TENM2: variants seen among roughly 807,000 people sequenced by gnomAD.
TENM2 encodes the protein teneurin-2.
In TENM2, 52 loss-of-function variants were observed where a neutral mutation model predicts 245.2. That is an observed-to-expected ratio of 0.21 (90% confidence interval 0.17 to 0.27). The LOEUF (loss-of-function observed/expected upper bound fraction) is 0.27. TENM2 is among the 10% of genes least tolerant of loss of function. The pLI is 1.00. For missense variants in TENM2, 3,046 were observed against 3,666.8 expected, an observed-to-expected ratio of 0.83 and a Z score of 4.37; for synonymous variants, 1,363 against 1,438.9, an observed-to-expected ratio of 0.95 and a Z score of 1.19.
chr5:167,201,753 T>C, the TENM2 span, among the ~76,000 whole-genome samples: 4 of 152,302 alleles, frequency 2.6e-5, no homozygotes, highest in South Asian at 8.3e-4. Context: ...ATGATTAGTC[T>C]CCATTTTCTT....
At chr5:167,761,209 T>C (rs550052239) in intron 2 of TENM2, among the ~76,000 whole-genome samples, 1 of 152,328 alleles carries the variant, frequency 6.6e-6, no homozygotes, top group Non-Finnish European at 1.5e-5. Context: ...CCCCTGCTTA[T>C]TTTCTTACTT....
At chr5:167,547,673 A>C (rs572923753) in intron 2 of TENM2, among the ~76,000 whole-genome samples, 2 of 152,352 alleles carry the variant, frequency 1.3e-5, no homozygotes, top group East Asian at 3.9e-4. Context: ...ACGGAGGCTC[A>C]AAGAGGTCTT....
chr5:167,477,810 A>G (rs902169017), intron 2 of TENM2, among the ~76,000 whole-genome samples: 3 of 152,194 alleles, frequency 2.0e-5, no homozygotes, highest in African/African-American at 7.2e-5. Flanking sequence ...AGACAGATAG[A>G]TAATATATTA....
At chr5:168,229,304 A>G (rs142903393) in intron 25 of TENM2, among the ~76,000 whole-genome samples, 1 of 151,538 alleles carries the variant, frequency 6.6e-6, no homozygotes, top group Non-Finnish European at 1.5e-5. Flanking sequence ...AATATGTCAC[A>G]TGCCTTCCTG....
chr5:167,845,981 C>T (rs908168959), intron 2 of TENM2, among the ~76,000 whole-genome samples: 14 of 152,160 alleles, frequency 9.2e-5, no homozygotes, highest in African/African-American at 3.4e-4. Flanking sequence ...CTGCTTCCAG[C>T]CTCATCCTTC....
intron 27 of TENM2, among the ~76,000 whole-genome samples, chr5:168,252,255 G>A (rs576643094): frequency 7.2e-5 from 11 of 151,792 alleles, no homozygotes; most frequent in African/African-American, 1.4e-4. Context: ...GTGCACACCC[G>A]TGGTCCCAGC....
chr5:167,417,077 G>A (rs1416913229), intron 2 of TENM2, among the ~76,000 whole-genome samples: 1 of 152,012 alleles, frequency 6.6e-6, no homozygotes, highest in Admixed American at 6.6e-5. Flanking sequence ...CCTTCTCCAT[G>A]TCCCTAATCT....
intron 2 of TENM2, among the ~76,000 whole-genome samples, chr5:167,730,260 A>G (rs1760326830): frequency 6.6e-6 from 1 of 152,178 alleles, no homozygotes; most frequent in South Asian, 2.1e-4. Context: ...CACTTATGCA[A>G]TTTACAGAAT....
chr5:167,297,684 G>A (rs1478463297), intron 1 of TENM2: 2 of 152,076 alleles, frequency 1.3e-5, no homozygotes, highest in African/African-American at 4.8e-5. Context: ...GAGTAACAAG[G>A]CTGTTTATTT....
intron 3 of TENM2, among the ~76,000 whole-genome samples, chr5:167,948,006 C>A (rs1283036260): frequency 6.6e-6 from 1 of 152,090 alleles, no homozygotes; most frequent in African/African-American, 2.4e-5. Context: ...AAAAGTAGAC[C>A]CAACCTAAAC....
chr5:167,171,800 A>T, the TENM2 span, among the ~76,000 whole-genome samples: 1 of 152,292 alleles, frequency 6.6e-6, no homozygotes, highest in South Asian at 2.1e-4. Flanking sequence ...ATTATCTTCC[A>T]TTGGCTGAAT....
At chr5:167,470,769 A>G (rs1426711057) in intron 2 of TENM2, among the ~76,000 whole-genome samples, 6 of 151,992 alleles carry the variant, frequency 3.9e-5, no homozygotes, top group Non-Finnish European at 1.5e-5. Flanking sequence ...GGCAAGCAAC[A>G]CAAGCGAGGT....
At chr5:167,327,024 T>TAA (rs1561865148) in intron 1 of TENM2, among the ~76,000 whole-genome samples, 12 of 152,212 alleles carry the variant, frequency 7.9e-5, no homozygotes, top group African/African-American at 2.7e-4. Context: ...TATTCTTTTT[T>TAA]AAAAAATTTT....
intron 12 of TENM2, among the ~76,000 whole-genome samples, chr5:168,133,153 T>C (rs1754739982): frequency 6.6e-6 from 1 of 152,338 alleles, no homozygotes; most frequent in African/African-American, 2.4e-5. Flanking sequence ...CTTGAGATGC[T>C]TTTCATTGGT....
rs375980124 is a variant in TENM2 at position 167,516,782 on chromosome 5, C to T, written c.502+141309C>T. On this transcript the variant is annotated intron_variant, in intron 2 of 28. Transcript: ENST00000518659. ...GAGGCCAGTCAGAGTTCTGTGCTTG[C>T]GGCTTCATTAAAATTCTGTCCTACA... 2.6e-5 allele frequency among the ~76,000 whole-genome samples: 4 copies of T among 152,270 alleles called. 1 individual carries two copies. Among genetic ancestry groups the T allele is most frequent in the East Asian group, 3.9e-4 (2 of 5,178 alleles).
At chr5:168,132,127 T>C (rs1754640295) in intron 12 of TENM2, among the ~76,000 whole-genome samples, 6 of 151,790 alleles carry the variant, frequency 4.0e-5, no homozygotes, top group African/African-American at 9.7e-5. Flanking sequence ...TCAGACAGTC[T>C]GCCAGAGGTT....
intron 2 of TENM2, among the ~76,000 whole-genome samples, chr5:167,683,312 C>A (rs887201977): frequency 2.6e-5 from 4 of 151,490 alleles, no homozygotes; most frequent in Admixed American, 1.3e-4. Flanking sequence ...ATGGCCCTGG[C>A]TGCCATTTTT....
chr5:167,132,376 G>T, the TENM2 span, among the ~76,000 whole-genome samples: 1 of 152,122 alleles, frequency 6.6e-6, no homozygotes, highest in Non-Finnish European at 1.5e-5. Flanking sequence ...TCATGATCTA[G>T]AGAAACACGG....
Position 168,247,208 on chromosome 5 carries a change from A to C in TENM2, c.6269A>C (p.Asp2090Ala). The change falls in exon 27 of 29, where the codon GAC (aspartate) becomes GCC (alanine). Residue 2090 changes from aspartate (D) to alanine (A), a missense_variant. Transcript: ENST00000518659. The surrounding 1 kb of genome is among the most constrained non-coding windows in gnomAD (Gnocchi z 7.8). The stretch of plus-strand genomic sequence containing the variant: ...GAAGGCATGGTCAATGCCAGGTTTG[A>C]CTACACCTATCATGACAACAGCTTC... 1 of 1,613,852 alleles carries C rather than the reference A, an allele frequency of 6.2e-7. No individual in the cohort carries two copies. The highest frequency in any genetic ancestry group is 8.5e-7 in the Non-Finnish European group (1 of 1,179,884).
Sources: gnomAD v4.1 joint callset for allele counts (sites outside exome capture counted in the v4.1 genomes callset) on GRCh38, gnomAD v4.1.1 for gene constraint, Gnocchi (gnomAD v3.1) non-coding constraint, MANE v1.5 for transcripts, NCBI Gene and HGNC (gene_info 2026-07-23, HGNC 2026-07-21) for gene names.